CDH10: variants seen among roughly 807,000 people sequenced by gnomAD.
The protein encoded by CDH10 is cadherin 10, also known as cadherin-10.
CDH10 carries 30 observed loss-of-function variants against 73.1 expected under a neutral mutation model. The ratio of observed to expected loss-of-function variants is 0.41; its 90% CI spans 0.31 to 0.56. The LOEUF is 0.56. Among genes scored for constraint, CDH10 ranks in the 20% least tolerant of loss-of-function variants. CDH10 has a pLI of 0.27. For synonymous variants in CDH10, 345 were observed against 348.2 expected (o/e 0.99, Z 0.10); for missense variants, 815 against 973.7 (o/e 0.84, Z 2.17).
chr5:24,606,007 T>G (rs1176666178), intron 1 of CDH10, among the ~76,000 whole-genome samples: 1 of 152,170 alleles, frequency 6.6e-6, no homozygotes, highest in Non-Finnish European at 1.5e-5. Context: ...TTATATGACA[T>G]TCTTGCAAAA....
In CDH10 at chr5:24,604,871, T is replaced by TCAAAAAAAA. The variant is rs1453322652; in HGVS notation, c.-123-11259_-123-11258insTTTTTTTTG. On this transcript the variant is annotated intron_variant, in intron 1 of 11. Coordinates refer to ENST00000264463, the MANE Select transcript of CDH10 (RefSeq NM_006727.5). ...CTGGGGAACAAGAGCAAGATGTCTC[T>TCAAAAAAAA]AAAAAAAAAAAAAAAAAAAAAAAAC... 2.9e-4 allele frequency among the ~76,000 whole-genome samples: 34 copies of TCAAAAAAAA among 116,268 alleles called. 1 individual carries two copies. Among genetic ancestry groups the TCAAAAAAAA allele is most frequent in the African/African-American group, 5.8e-4 (13 of 22,288 alleles). 76.3% of individuals were successfully genotyped at this position (116,268 alleles called of 152,430 possible).
intron 5 of CDH10, among the ~76,000 whole-genome samples, chr5:24,527,409 A>T (rs1389073480): frequency 6.6e-6 from 1 of 150,608 alleles, no homozygotes; most frequent in Non-Finnish European, 1.5e-5. Context: ...ATATATTTAT[A>T]TTTATACATA....
intron 2 of CDH10, among the ~76,000 whole-genome samples, chr5:24,542,943 A>T (rs183796441): frequency 6.6e-6 from 1 of 152,224 alleles, no homozygotes; most frequent in East Asian, 1.9e-4. Flanking sequence ...TCAACATATA[A>T]ATCTTGGTGG....
intron 7 of CDH10, among the ~76,000 whole-genome samples, chr5:24,505,996 C>T (rs548797994): frequency 6.6e-6 from 1 of 151,818 alleles, no homozygotes; most frequent in Admixed American, 6.6e-5. Context: ...TGCCTGTAGT[C>T]CCAGCTACTC....
At chr5:24,610,811 G>A (rs1369415409) in intron 1 of CDH10, among the ~76,000 whole-genome samples, 1 of 152,164 alleles carries the variant, frequency 6.6e-6, no homozygotes, top group Admixed American at 6.6e-5. Context: ...GGTTAGGGCT[G>A]GAGAAAGTGG....
At chr5:24,573,065 A>G (rs547823014) in intron 2 of CDH10, among the ~76,000 whole-genome samples, 1 of 151,994 alleles carries the variant, frequency 6.6e-6, no homozygotes, top group Non-Finnish European at 1.5e-5. Context: ...AAGTAACAAG[A>G]ACATGTGCTT....
At chr5:24,513,468 G>GA (rs1742994640) in intron 5 of CDH10, among the ~76,000 whole-genome samples, 1 of 152,062 alleles carries the variant, frequency 6.6e-6, no homozygotes, top group African/African-American at 2.4e-5. Flanking sequence ...AGAGGCTTCA[G>GA]AAAAAATGAG....
chr5:24,507,913 A>G (rs1476616300), intron 7 of CDH10, among the ~76,000 whole-genome samples: 1 of 152,218 alleles, frequency 6.6e-6, no homozygotes, highest in Non-Finnish European at 1.5e-5. Context: ...AAGAAAACAT[A>G]TTTATGTGAA....
At chr5:24,512,801 C>A (rs1389326240) in intron 5 of CDH10, among the ~76,000 whole-genome samples, 1 of 152,124 alleles carries the variant, frequency 6.6e-6, no homozygotes, top group African/African-American at 2.4e-5. Context: ...TGCTCATAAA[C>A]CTTAAGTAAT....
intron 2 of CDH10, among the ~76,000 whole-genome samples, chr5:24,556,245 T>A (rs1301501352): frequency 6.6e-6 from 1 of 152,134 alleles, no homozygotes; most frequent in Non-Finnish European, 1.5e-5. Flanking sequence ...ATTTGATGTA[T>A]CATCAGGTTG....
intron 2 of CDH10, 119 bp downstream of exon 2, chr5:24,593,141 C>A (rs1332825514): frequency 4.9e-6 from 3 of 610,996 alleles, no homozygotes; most frequent in African/African-American, 1.9e-5. Context: ...AACAAAAATC[C>A]TTTAGGGAGA....
intron 1 of CDH10, among the ~76,000 whole-genome samples, chr5:24,599,406 T>C (rs984843701): frequency 3.9e-5 from 6 of 152,110 alleles, no homozygotes; most frequent in Admixed American, 3.9e-4. Flanking sequence ...TTCATTATTA[T>C]TAGGACATCA....
intron 2 of CDH10, among the ~76,000 whole-genome samples, chr5:24,552,426 T>C (rs534873003): frequency 2.0e-5 from 3 of 152,154 alleles, no homozygotes; most frequent in Non-Finnish European, 2.9e-5. Context: ...TGCCTTTGTA[T>C]AATTTATAAT....
intron 1 of CDH10, among the ~76,000 whole-genome samples, chr5:24,637,945 G>C (rs115513300): frequency 2.0e-5 from 3 of 151,758 alleles, no homozygotes; most frequent in African/African-American, 4.8e-5. Flanking sequence ...CTAGAAACAG[G>C]CTTGATCTAG....
At position 24,487,758 on chromosome 5, in the gene CDH10, C is replaced by G. The variant is rs1741893094; in HGVS notation, c.2272G>C (p.Gly758Arg). The G allele has an allele frequency of 2.5e-6, 4 of 1,613,810 alleles. No homozygotes were observed. The highest frequency in any genetic ancestry group is 3.4e-6 in the Non-Finnish European group (4 of 1,179,902). ...LSSLESGTTE[G>R]DQNYDYLREW... ...CGGAGGTAATCGTAGTTTTGGTCTC[C>G]TTCAGTAGTACCTGATTCTAATGAA... Residue 758 changes from glycine to arginine, a missense_variant, in exon 12 of 12, where the codon GGA becomes CGA. By Grantham distance (125) the Gly-to-Arg change is moderately radical. This residue lies in a region of CDH10 where 241 missense variants were observed against 240.3 expected (regional missense o/e 1.00). Coordinates refer to ENST00000264463, the MANE Select transcript of CDH10 (RefSeq NM_006727.5).
rs530091596 is a variant in CDH10 at position 24,506,161 on chromosome 5, AGTTTTTAATATATCTGT to A, written c.1257-930_1257-914del. Reference sequence around the variant, plus strand: ...GAAAAGAAAAGTAGTTTGGGATAAGAGTTTTTAATATATCTGTGTTTTTAATATATCTGTATCAAATA... The same window carrying A: ...GAAAAGAAAAGTAGTTTGGGATAAGAGTTTTTAATATATCTGTATCAAATA... On this transcript the variant is annotated intron_variant, in intron 7 of 11. Transcript: ENST00000264463. 3.1e-3 allele frequency among the ~76,000 whole-genome samples: 471 copies of A among 152,044 alleles called. 4 individuals are homozygous for A. Among genetic ancestry groups the A allele is most frequent in the African/African-American group, 0.011 (442 of 41,482 alleles).
At chr5:24,626,476 C>A (rs1299193027) in intron 1 of CDH10, among the ~76,000 whole-genome samples, 1 of 151,944 alleles carries the variant, frequency 6.6e-6, no homozygotes, top group East Asian at 1.9e-4. Context: ...GAAGAGTTAC[C>A]CACGTTAAGC....
chr5:24,631,308 T>A (rs1463605271), intron 1 of CDH10, among the ~76,000 whole-genome samples: 2 of 152,132 alleles, frequency 1.3e-5, no homozygotes, highest in African/African-American at 4.8e-5. Context: ...ACACCAGAAG[T>A]CATTTGAGGG....
chr5:24,513,363 C>T (rs946341038), intron 5 of CDH10, among the ~76,000 whole-genome samples: 1 of 152,018 alleles, frequency 6.6e-6, no homozygotes, highest in East Asian at 1.9e-4. Flanking sequence ...AATTCCTTCC[C>T]CTTATCCTCA....
Sources: allele counts gnomAD v4.1 joint callset (sites outside exome capture counted in the v4.1 genomes callset), GRCh38; gene constraint gnomAD v4.1.1; regional missense constraint gnomAD v4.1.1; transcripts MANE v1.5; gene names NCBI Gene and HGNC (gene_info 2026-07-23, HGNC 2026-07-21).